Variants in JARID2 observed in about 807,000 individuals in gnomAD.
JARID2 encodes the protein protein Jumonji.
A neutral mutation model predicts 125.6 loss-of-function variants in JARID2; 21 were observed. The observed-to-expected ratio is 0.17, with a 90% confidence interval of 0.12 to 0.24. The LOEUF is 0.24. Ranked by LOEUF, JARID2 falls within the 10% of genes least tolerant of loss-of-function variation. JARID2 has a pLI of 1.00. For missense variants in JARID2, 1,303 were observed against 1,639.6 expected (o/e 0.79, Z 3.55); for synonymous variants, 736 against 661.6 (o/e 1.11, Z -1.73).
chr6:15,414,945 T>G lies in JARID2; in HGVS notation c.323+4580T>G, dbSNP rs1316422099. On this transcript the variant is annotated intron_variant, in intron 3 of 17. Transcript: ENST00000341776. ...TGAACAAAGGTCTCTGGTTTTCCTA[T>G]GCAGAGGACCCTGCGGCTTTCCGCA... 9.2e-5 allele frequency among the ~76,000 whole-genome samples: 14 copies of G among 152,334 alleles called. No individual in the cohort carries two copies. In the East Asian group the frequency reaches 9.6e-4, roughly 10 times the overall value.
At chr6:15,393,115 A>G (rs1225205997) in intron 2 of JARID2, among the ~76,000 whole-genome samples, 1 of 152,138 alleles carries the variant, frequency 6.6e-6, no homozygotes, top group Admixed American at 6.5e-5. Flanking sequence ...GTGTATCCCT[A>G]TGCTCTGTTC....
At chr6:15,381,341 C>CCAAAAA (rs70996539) in intron 2 of JARID2, among the ~76,000 whole-genome samples, 1,187 of 92,668 alleles carry the variant, frequency 0.013, 18 homozygotes, top group South Asian at 0.057. Flanking sequence ...ACTCCTGTCT[C>CCAAAAA]AAAAAAAAAA....
At chr6:15,408,314 T>C (rs192401746) in intron 2 of JARID2, among the ~76,000 whole-genome samples, 19 of 152,326 alleles carry the variant, frequency 1.2e-4, no homozygotes, top group African/African-American at 4.6e-4. Flanking sequence ...TGCATCCTCT[T>C]TTTTTCCTTT....
At chr6:15,371,828 G>T (rs1581468883) in intron 1 of JARID2, among the ~76,000 whole-genome samples, 1 of 152,220 alleles carries the variant, frequency 6.6e-6, no homozygotes, top group African/African-American at 2.4e-5. Context: ...CCGTACCGTG[G>T]TCTGTGGATG....
At chr6:15,460,291 A>G (rs1179658345) in intron 4 of JARID2, among the ~76,000 whole-genome samples, 1 of 152,008 alleles carries the variant, frequency 6.6e-6, no homozygotes, top group Non-Finnish European at 1.5e-5. Flanking sequence ...TGCTGTGAGG[A>G]TTCTCCCTGC....
chr6:15,503,126 TG>T (rs1770822080), intron 8 of JARID2, among the ~76,000 whole-genome samples: 1 of 152,188 alleles, frequency 6.6e-6, no homozygotes, highest in Admixed American at 6.5e-5. Flanking sequence ...CTCTGCGTGG[TG>T]GCCATGGCGA....
intron 4 of JARID2, among the ~76,000 whole-genome samples, chr6:15,455,780 G>C (rs1028453366): frequency 6.6e-6 from 1 of 152,060 alleles, no homozygotes; most frequent in Non-Finnish European, 1.5e-5. Context: ...TGCCTGCCTC[G>C]GCCTCCCAAA....
At position 15,401,368 on chromosome 6, in the gene JARID2, CT is replaced by C. The variant is rs1409269785; in HGVS notation, c.182-8853del. ...TGCAGTTTCAATCAGGCTTGTATGA[CT>C]TTAGACATTTCTCTGGAGACTGAAT... On this transcript the variant is annotated intron_variant, in intron 2 of 17. Transcript: ENST00000341776. Among the ~76,000 whole-genome samples the C allele has an allele frequency of 3.9e-5, 6 of 152,322 alleles. No homozygotes were observed. In the East Asian group the frequency reaches 9.6e-4, roughly 24 times the overall value.
At chr6:15,342,564 G>C (rs559517483) in intron 1 of JARID2, among the ~76,000 whole-genome samples, 58 of 152,254 alleles carry the variant, frequency 3.8e-4, no homozygotes, top group African/African-American at 1.3e-3. Flanking sequence ...ACAAAGTAGT[G>C]AGCTTAGTGC....
intron 1 of JARID2, among the ~76,000 whole-genome samples, chr6:15,295,354 C>T (rs1761375106): frequency 6.6e-6 from 1 of 152,238 alleles, no homozygotes; most frequent in East Asian, 1.9e-4. Flanking sequence ...ATCTCCTGAC[C>T]TCGTGATCCG....
intron 4 of JARID2, among the ~76,000 whole-genome samples, chr6:15,465,613 G>T (rs533734752): frequency 6.6e-6 from 1 of 151,364 alleles, no homozygotes; most frequent in Admixed American, 6.6e-5. Context: ...CAAGGAATGT[G>T]ATATTTGCTT....
At chr6:15,469,060 T>C (rs1768889774) in intron 5 of JARID2, among the ~76,000 whole-genome samples, 1 of 152,042 alleles carries the variant, frequency 6.6e-6, no homozygotes, top group African/African-American at 2.4e-5. Flanking sequence ...TAATGTGATT[T>C]TAGCAGGTGG....
At chr6:15,470,494 T>G (rs889304911) in intron 5 of JARID2, among the ~76,000 whole-genome samples, 2 of 152,248 alleles carry the variant, frequency 1.3e-5, no homozygotes, top group East Asian at 1.9e-4. Flanking sequence ...TTGAAATCTC[T>G]GTCTAGCTTT....
At chr6:15,384,117 G>A (rs1238604633) in intron 2 of JARID2, among the ~76,000 whole-genome samples, 1 of 151,964 alleles carries the variant, frequency 6.6e-6, no homozygotes, top group Non-Finnish European at 1.5e-5. Context: ...TTATTTTTTA[G>A]AGATAGGATT....
rs562103815 is a variant in JARID2, at chr6:15,470,362, A to C, written c.670+1644A>C. ...ATGGCGGAAAATCAGTGCTGTCTGT[A>C]AGTGATTGAGGCAAAGGAGAGCTGC... On this transcript the variant is annotated intron_variant, in intron 5 of 17. Transcript: ENST00000341776. 3.9e-3 allele frequency among the ~76,000 whole-genome samples: 589 copies of C among 152,272 alleles called. 4 individuals carry two copies. The highest frequency in any genetic ancestry group is 0.02 in the Middle Eastern group (6 of 294).
At chr6:15,470,378 G>A (rs1280559179) in intron 5 of JARID2, among the ~76,000 whole-genome samples, 1 of 152,186 alleles carries the variant, frequency 6.6e-6, no homozygotes, top group East Asian at 1.9e-4. Context: ...TTGAGGCAAA[G>A]GAGAGCTGCT....
intron 1 of JARID2, among the ~76,000 whole-genome samples, chr6:15,353,199 C>T (rs1053872251): frequency 6.6e-6 from 1 of 152,192 alleles, no homozygotes; most frequent in African/African-American, 2.4e-5. Flanking sequence ...GCATCCTTTC[C>T]AATACTTGTT....
chr6:15,461,871 A>G (rs563623529), intron 4 of JARID2, among the ~76,000 whole-genome samples: 80 of 150,712 alleles, frequency 5.3e-4, no homozygotes, highest in African/African-American at 1.8e-3. Flanking sequence ...GAGTCCCTTC[A>G]GTGATGGTAT....
intron 5 of JARID2, among the ~76,000 whole-genome samples, chr6:15,469,057 A>G (rs1371542009): frequency 1.3e-5 from 2 of 152,030 alleles, no homozygotes; most frequent in Non-Finnish European, 2.9e-5. Context: ...TACTAATGTG[A>G]TTTTAGCAGG....
Sources: gnomAD v4.1 joint callset for allele counts (sites outside exome capture counted in the v4.1 genomes callset) on GRCh38, gnomAD v4.1.1 for gene constraint, MANE v1.5 for transcripts, NCBI Gene and HGNC (gene_info 2026-07-23, HGNC 2026-07-21) for gene names.